The following TAFA4 variants were observed in gnomAD, a reference collection of about 807,000 sequenced individuals.
TAFA4 encodes TAFA chemokine like family member 4.
In TAFA4, 20 loss-of-function variants were observed where a neutral mutation model predicts 21.1. The ratio of observed to expected loss-of-function variants is 0.95; its 90% CI spans 0.67 to 1.38. TAFA4 has a LOEUF of 1.38. Among genes scored for constraint, TAFA4 ranks in the 40% most tolerant of loss-of-function variants. The probability of loss-of-function intolerance (pLI) is 0.00; values close to 1 mark genes in which losing one functional copy is unlikely to be tolerated. For synonymous variants in TAFA4, 71 were observed against 67.4 expected, an observed-to-expected ratio of 1.05 and a Z score of -0.26; for missense variants, 211 against 180.9, an observed-to-expected ratio of 1.17 and a Z score of -0.95.
chr3:68,747,638 A>C (rs1198671580), intron 4 of TAFA4, among the ~76,000 whole-genome samples: 2 of 152,154 alleles, frequency 1.3e-5, no homozygotes, highest in Non-Finnish European at 2.9e-5. Context: ...ACTAATACAC[A>C]CACATGCATG....
chr3:68,894,154 G>A (rs1035341357), intron 1 of TAFA4, among the ~76,000 whole-genome samples: 6 of 147,522 alleles, frequency 4.1e-5, no homozygotes, highest in African/African-American at 1.5e-4. Flanking sequence ...CCTGTTACTT[G>A]TTACTTTTTT....
chr3:68,740,774 G>C (rs1483605129), intron 4 of TAFA4, among the ~76,000 whole-genome samples: 1 of 152,116 alleles, frequency 6.6e-6, no homozygotes, highest in African/African-American at 2.4e-5. Context: ...GAGTTTCATA[G>C]TTTCACTTCA....
At chr3:68,903,248 G>A (rs1366878273) in intron 1 of TAFA4, among the ~76,000 whole-genome samples, 1 of 151,936 alleles carries the variant, frequency 6.6e-6, no homozygotes, top group African/African-American at 2.4e-5. Context: ...CTCGAGAATG[G>A]GATTCTGAAC....
At chr3:68,772,182 G>A (rs1702970042) in intron 3 of TAFA4, among the ~76,000 whole-genome samples, 1 of 152,172 alleles carries the variant, frequency 6.6e-6, no homozygotes, top group Non-Finnish European at 1.5e-5. Context: ...TCAACGAAGA[G>A]CCTTGATCAT....
chr3:68,788,661 G>C (rs1389809085), intron 3 of TAFA4, among the ~76,000 whole-genome samples: 1 of 152,026 alleles, frequency 6.6e-6, no homozygotes, highest in Non-Finnish European at 1.5e-5. Flanking sequence ...ACCCAAGCTG[G>C]AGTGCAGTGG....
intron 3 of TAFA4, among the ~76,000 whole-genome samples, chr3:68,785,015 C>T (rs1703224913): frequency 6.6e-6 from 1 of 151,948 alleles, no homozygotes; most frequent in South Asian, 2.1e-4. Flanking sequence ...TACAGAGTGC[C>T]GATTGGTGTA....
intron 3 of TAFA4, among the ~76,000 whole-genome samples, chr3:68,831,094 G>C (rs141724742): frequency 6.6e-6 from 1 of 152,124 alleles, no homozygotes; most frequent in Non-Finnish European, 1.5e-5. Flanking sequence ...TTATATATGA[G>C]ATTGGTCTCC....
At chr3:68,827,628 A>G (rs1257852652) in intron 3 of TAFA4, among the ~76,000 whole-genome samples, 1 of 152,184 alleles carries the variant, frequency 6.6e-6, no homozygotes, top group African/African-American at 2.4e-5. Flanking sequence ...GCATTTCTCT[A>G]ATGGCCAGTG....
intron 3 of TAFA4, among the ~76,000 whole-genome samples, chr3:68,826,341 A>T (rs1388427594): frequency 6.6e-6 from 1 of 152,210 alleles, no homozygotes; most frequent in Non-Finnish European, 1.5e-5. Context: ...TGGGAGGCCG[A>T]GGCAGGCAGA....
chr3:68,903,058 C>G (rs2089859989), intron 1 of TAFA4, among the ~76,000 whole-genome samples: 1 of 152,142 alleles, frequency 6.6e-6, no homozygotes, highest in South Asian at 2.1e-4. Flanking sequence ...CCAGCACCCT[C>G]CCTCTTCTTG....
intron 4 of TAFA4, among the ~76,000 whole-genome samples, chr3:68,752,381 C>T (rs1396225718): frequency 2.6e-5 from 4 of 152,120 alleles, no homozygotes; most frequent in African/African-American, 7.2e-5. Flanking sequence ...TACAAATGAA[C>T]GATACATGAT....
At chr3:68,829,754 C>G (rs9756913) in intron 3 of TAFA4, among the ~76,000 whole-genome samples, 46,792 of 152,016 alleles carry the variant, frequency 0.31, 7,609 homozygotes, top group Non-Finnish European at 0.37. Flanking sequence ...AATAGTTTCA[C>G]AAGGAATGGT....
intron 3 of TAFA4, among the ~76,000 whole-genome samples, chr3:68,817,125 A>C (rs976910112): frequency 6.6e-6 from 1 of 152,238 alleles, no homozygotes. Context: ...AACTGAAGTC[A>C]ATTCTCTCAA....
At chr3:68,758,599 C>A (rs1180264504) in intron 3 of TAFA4, among the ~76,000 whole-genome samples, 1 of 152,168 alleles carries the variant, frequency 6.6e-6, no homozygotes, top group Non-Finnish European at 1.5e-5. Flanking sequence ...TATAAATTAC[C>A]TAGTTTCCTT....
At position 68,753,015 on chromosome 3, in the gene TAFA4, T is replaced by C; in HGVS notation, c.134A>G (p.His45Arg). The change falls in exon 4 of 6, where the codon CAC becomes CGC. Residue 45 changes from histidine to arginine, a missense_variant. By Grantham distance (29) the His-to-Arg change is conservative. Transcript: ENST00000295569. ...SSQHLRGHAGHHQIKQGTCEV... is the reference protein window; with the variant it reads ...SSQHLRGHAGRHQIKQGTCEV... ...ACAGGTCCCTTGCTTGATTTGGTGG[T>C]GACCTAGTTGGTAATGGGGGAGAAA... The C allele has an allele frequency of 6.2e-7, 1 of 1,612,620 alleles. No individual in the cohort carries two copies. The highest frequency in any genetic ancestry group is 8.5e-7 in the Non-Finnish European group (1 of 1,179,024).
intron 3 of TAFA4, among the ~76,000 whole-genome samples, chr3:68,850,117 C>T (rs1704909288): frequency 6.6e-6 from 1 of 152,180 alleles, no homozygotes; most frequent in Admixed American, 6.5e-5. Flanking sequence ...TCCTCAAATA[C>T]TACCTGACGC....
rs567780633 is a variant in TAFA4, at chr3:68,920,783, C to A, written c.-123+11457G>T. 1.3e-3 allele frequency among the ~76,000 whole-genome samples: 202 copies of A among 152,068 alleles called. 1 individual carries two copies. Among genetic ancestry groups the A allele is most frequent in the African/African-American group, 4.8e-3 (198 of 41,482 alleles). ...GCTGTAATAACACTAAGCAGCCATT[C>A]CCAGCCAGCAGACAGTACCACCCAC... On this transcript the variant is annotated intron_variant, in intron 1 of 5. Transcript: ENST00000295569.
At position 68,732,216 on chromosome 3, in the gene TAFA4, TAAG is replaced by T. The variant is rs1014575266; in HGVS notation, c.*923_*925del. The T allele has an allele frequency of 5.2e-5, 8 of 152,652 alleles. No individual in the cohort carries two copies. The East Asian group carries it at 1.4e-3, about 26-fold the overall frequency. 9.5% of individuals were successfully genotyped at this position (152,652 alleles called of 1,614,324 possible). ...CACAGAAGTAGGGAAACAGCTAAGTTAAGAAGAACTCATTTACAGTCTAAAAAT... is the reference window on the plus strand; with the variant it reads ...CACAGAAGTAGGGAAACAGCTAAGTTAAGAACTCATTTACAGTCTAAAAAT... On this transcript the variant is annotated 3_prime_UTR_variant, in exon 6 of 6. Transcript: ENST00000295569.
At chr3:68,794,912 C>T (rs956172402) in intron 3 of TAFA4, among the ~76,000 whole-genome samples, 1 of 150,508 alleles carries the variant, frequency 6.6e-6, no homozygotes, top group African/African-American at 2.5e-5. Flanking sequence ...TGTTGCAGAA[C>T]CAAGAGTAGA....
Sources: allele counts gnomAD v4.1 joint callset (sites outside exome capture counted in the v4.1 genomes callset), GRCh38; gene constraint gnomAD v4.1.1; transcripts MANE v1.5; gene names NCBI Gene and HGNC (gene_info 2026-07-23, HGNC 2026-07-21).